PTPRD: variants seen among roughly 807,000 people sequenced by gnomAD.
PTPRD encodes the protein receptor-type tyrosine-protein phosphatase delta.
In PTPRD, 34 loss-of-function variants were observed where a neutral mutation model predicts 214.5. The observed-to-expected ratio is 0.16, with a 90% CI of 0.12 to 0.21. The LOEUF (loss-of-function observed/expected upper bound fraction) is 0.21, where lower values mean the gene tolerates loss of function less well. Among genes scored for constraint, PTPRD ranks in the 10% least tolerant of loss-of-function variants. The probability of loss-of-function intolerance (pLI) is 1.00; values close to 1 mark genes in which losing one functional copy is unlikely to be tolerated. For synonymous variants in PTPRD, 1,128 were observed against 845.7 expected, an observed-to-expected ratio of 1.33 and a Z score of -5.79; for missense variants, 2,545 against 2,398.7, an observed-to-expected ratio of 1.06 and a Z score of -1.27.
intron 3 of PTPRD, among the ~76,000 whole-genome samples, chr9:10,125,837 T>C (rs896887372): frequency 6.6e-6 from 1 of 152,052 alleles, no homozygotes; most frequent in African/African-American, 2.4e-5. Context: ...AAATCAGAAG[T>C]TGGTATTGAT....
At chr9:8,383,035 A>C (rs192116986) in intron 37 of PTPRD, among the ~76,000 whole-genome samples, 1 of 152,244 alleles carries the variant, frequency 6.6e-6, no homozygotes, top group African/African-American at 2.4e-5. Flanking sequence ...TCCAAAACTG[A>C]TAACAGCAAT....
At chr9:8,727,748 G>T (rs182385529) in intron 12 of PTPRD, among the ~76,000 whole-genome samples, 22 of 152,164 alleles carry the variant, frequency 1.4e-4, no homozygotes, top group African/African-American at 4.3e-4. Context: ...CTTAAACTGG[G>T]CTCAAGCAAT....
chr9:10,211,575 C>A (rs1480107768), intron 3 of PTPRD, among the ~76,000 whole-genome samples: 2 of 152,134 alleles, frequency 1.3e-5, no homozygotes. Context: ...AACAGAGGTG[C>A]TCCGGAACAC....
chr9:9,736,217 G>C (rs2098291886), intron 6 of PTPRD, among the ~76,000 whole-genome samples: 1 of 152,048 alleles, frequency 6.6e-6, no homozygotes, highest in Non-Finnish European at 1.5e-5. Context: ...ATTTGTCAAA[G>C]TATCTGGATT....
chr9:9,134,284 A>G (rs2099847530), intron 10 of PTPRD, among the ~76,000 whole-genome samples: 1 of 149,870 alleles, frequency 6.7e-6, no homozygotes, highest in African/African-American at 2.5e-5. Context: ...CTTGTTAGCC[A>G]GGATGGTCTC....
intron 23 of PTPRD, 51 bp from the exon 24 acceptor site, chr9:8,501,110 G>GT: frequency 1.5e-6 from 2 of 1,335,154 alleles, no homozygotes; most frequent in Non-Finnish European, 2.0e-6. Flanking sequence ...GACAGGAGTG[G>GT]TTGAAAAAAA....
intron 5 of PTPRD, among the ~76,000 whole-genome samples, chr9:9,889,799 GTGTGTGTGTGTGTA>G (rs1321480988): frequency 1.3e-5 from 2 of 150,948 alleles, no homozygotes; most frequent in African/African-American, 2.5e-5. Context: ...GTGTGTGTGT[GTGTGTGTGTGTGTA>G]TGTGTGTGTG....
At chr9:9,541,268 C>G (rs1030508462) in intron 8 of PTPRD, among the ~76,000 whole-genome samples, 6 of 151,714 alleles carry the variant, frequency 4.0e-5, no homozygotes, top group African/African-American at 7.3e-5. Flanking sequence ...GGAACACTCC[C>G]TACAGGACTT....
intron 9 of PTPRD, among the ~76,000 whole-genome samples, chr9:9,360,472 T>A (rs2055661856): frequency 6.6e-6 from 1 of 151,204 alleles, no homozygotes; most frequent in South Asian, 2.1e-4. Flanking sequence ...ATTGAAAGAT[T>A]TGATTAGGCT....
chr9:10,546,668 G>A (rs544831995), intron 2 of PTPRD, among the ~76,000 whole-genome samples: 2 of 152,020 alleles, frequency 1.3e-5, no homozygotes, highest in East Asian at 1.9e-4. Context: ...TTTATTGAAT[G>A]TTGCATCCTT....
chr9:9,444,444 G>A (rs1205053027), intron 8 of PTPRD, among the ~76,000 whole-genome samples: 3 of 152,146 alleles, frequency 2.0e-5, no homozygotes, highest in Non-Finnish European at 4.4e-5. Context: ...CTAGAACTAT[G>A]TTCTGTGATA....
At chr9:9,192,319 T>G (rs1161375980) in intron 9 of PTPRD, among the ~76,000 whole-genome samples, 3 of 152,084 alleles carry the variant, frequency 2.0e-5, no homozygotes, top group African/African-American at 7.2e-5. Context: ...GCTGAAAATC[T>G]TCCACTAGCT....
At chr9:10,358,692 T>C (rs971722923) in intron 2 of PTPRD, among the ~76,000 whole-genome samples, 5 of 151,840 alleles carry the variant, frequency 3.3e-5, no homozygotes, top group African/African-American at 4.8e-5. Flanking sequence ...AAAGTACACA[T>C]ATATATATAA....
chr9:8,782,378 AT>A (rs1331195938), intron 11 of PTPRD, among the ~76,000 whole-genome samples: 1 of 152,010 alleles, frequency 6.6e-6, no homozygotes, highest in South Asian at 2.1e-4. Flanking sequence ...TCTTTTAGCA[AT>A]TTTCAAGTTT....
intron 10 of PTPRD, among the ~76,000 whole-genome samples, chr9:9,047,894 T>G (rs977292621): frequency 1.3e-5 from 2 of 151,892 alleles, no homozygotes; most frequent in African/African-American, 4.8e-5. Flanking sequence ...TCACCTCAGG[T>G]TAAAAACCAT....
intron 3 of PTPRD, among the ~76,000 whole-genome samples, chr9:10,221,702 T>C (rs1050946770): frequency 6.6e-6 from 1 of 151,984 alleles, no homozygotes; most frequent in Non-Finnish European, 1.5e-5. Context: ...ACATCCACAA[T>C]TTTTTACCAA....
At chr9:10,247,164 A>C (rs1414081164) in intron 3 of PTPRD, among the ~76,000 whole-genome samples, 1 of 152,136 alleles carries the variant, frequency 6.6e-6, no homozygotes, top group Non-Finnish European at 1.5e-5. Context: ...GATTAGTCAT[A>C]ATTGTTAATA....
chr9:9,937,426 T>TAAAA (rs35495271), intron 5 of PTPRD, among the ~76,000 whole-genome samples: 1 of 144,648 alleles, frequency 6.9e-6, no homozygotes, highest in African/African-American at 2.5e-5. Context: ...CATAGATAAA[T>TAAAA]AAAAAAAAAA....
chr9:10,512,010 ACG>A (rs1224618259), intron 2 of PTPRD, among the ~76,000 whole-genome samples: 5 of 79,392 alleles, frequency 6.3e-5, no homozygotes, highest in Non-Finnish European at 1.2e-4. Flanking sequence ...ATATATATAT[ACG>A]TGTGTGTATA....
Sources: gnomAD v4.1 joint callset for allele counts (sites outside exome capture counted in the v4.1 genomes callset) on GRCh38, gnomAD v4.1.1 for gene constraint, MANE v1.5 for transcripts, NCBI Gene and HGNC (gene_info 2026-07-23, HGNC 2026-07-21) for gene names.